Variants in PTPRQ observed in about 807,000 individuals in gnomAD.
The protein encoded by PTPRQ is phosphatidylinositol phosphatase PTPRQ.
In PTPRQ, 199 loss-of-function variants were observed where a neutral mutation model predicts 246.0. The observed-to-expected ratio is 0.81, with a 90% CI of 0.72 to 0.91. PTPRQ has a LOEUF of 0.91. Among genes scored for constraint, PTPRQ ranks in the 40% least tolerant of loss-of-function variants. The pLI, the probability that PTPRQ is intolerant of heterozygous loss-of-function variation, is 0.00. For synonymous variants in PTPRQ, 869 were observed against 853.2 expected (o/e 1.02, Z -0.32); for missense variants, 2,624 against 2,528.4 (o/e 1.04, Z -0.81).
intron 26 of PTPRQ, among the ~76,000 whole-genome samples, chr12:80,594,221 A>T (rs1050046975): frequency 6.6e-6 from 1 of 152,194 alleles, no homozygotes; most frequent in East Asian, 1.9e-4. Context: ...TTATGTGATA[A>T]GTGTTATAGT....
intron 3 of PTPRQ, among the ~76,000 whole-genome samples, chr12:80,447,968 G>C (rs1303096415): frequency 6.6e-6 from 1 of 151,880 alleles, no homozygotes; most frequent in Non-Finnish European, 1.5e-5. Flanking sequence ...GAATTGTGTT[G>C]AATCTGTAGA....
intron 40 of PTPRQ, 60 bp downstream of exon 40, chr12:80,669,201 A>G: frequency 6.5e-7 from 1 of 1,533,180 alleles, no homozygotes; most frequent in Admixed American, 2.1e-5. Flanking sequence ...CATATGTGTG[A>G]ATATTTCATC....
intron 25 of PTPRQ, among the ~76,000 whole-genome samples, chr12:80,572,202 G>T (rs956590561): frequency 3.3e-5 from 5 of 151,820 alleles, no homozygotes; most frequent in Non-Finnish European, 7.4e-5. Context: ...ATTTATTTCA[G>T]TAATGTTTTG....
chr12:80,617,444 G>A (rs1245667424), intron 30 of PTPRQ, among the ~76,000 whole-genome samples: 1 of 151,318 alleles, frequency 6.6e-6, no homozygotes, highest in Admixed American at 6.6e-5. Flanking sequence ...AATGCATAAG[G>A]TCTTTAAAAA....
At chr12:80,630,384 A>G (rs1351521846) in intron 33 of PTPRQ, among the ~76,000 whole-genome samples, 2 of 152,176 alleles carry the variant, frequency 1.3e-5, no homozygotes, top group Non-Finnish European at 2.9e-5. Flanking sequence ...AATTAGAAAT[A>G]AGATCTAAAG....
At chr12:80,666,413 G>A (rs772464727) in intron 39 of PTPRQ, among the ~76,000 whole-genome samples, 2 of 151,908 alleles carry the variant, frequency 1.3e-5, no homozygotes, top group Non-Finnish European at 2.9e-5. Flanking sequence ...GCTGGGAAGG[G>A]GAAGAGGTGA....
At chr12:80,667,388 A>G (rs1187156291) in intron 39 of PTPRQ, among the ~76,000 whole-genome samples, 1 of 152,006 alleles carries the variant, frequency 6.6e-6, no homozygotes, top group African/African-American at 2.4e-5. Context: ...GCATATTCTC[A>G]TGAAGTATTT....
rs1378758672 is a variant in PTPRQ, at chr12:80,613,321, A to G, written c.4919-271A>G. Among the ~76,000 whole-genome samples the G allele has an allele frequency of 4.0e-5, 6 of 150,660 alleles. No individual in the cohort carries two copies. In the Admixed American group the frequency reaches 4.0e-4, roughly 10 times the overall value. On this transcript the variant is annotated intron_variant, in intron 28 of 44. Transcript: ENST00000644991. ...TGACAAAGGGAGACCCTGTCTCGAA[A>G]ACAAACAAAAGATTAAAATGTCATA...
intron 25 of PTPRQ, among the ~76,000 whole-genome samples, chr12:80,550,247 G>A (rs192865981): frequency 4.1e-4 from 63 of 152,182 alleles, no homozygotes; most frequent in African/African-American, 1.4e-3. Flanking sequence ...ACCTTCCCTA[G>A]CAGTGCTCTG....
In PTPRQ at chr12:80,470,392, TC is replaced by T. The variant is rs1390720237; in HGVS notation, c.1039+1555del. Among the ~76,000 whole-genome samples the T allele has an allele frequency of 2.0e-5, 3 of 152,154 alleles. No individual in the cohort carries two copies. The East Asian group carries it at 5.8e-4, about 29-fold the overall frequency. ...ATATTTTCTAACTGGTTTACCTTTTTCAGTGTAGTGGGAAGCAAGACTATTA... is the reference window on the plus strand; with the variant it reads ...ATATTTTCTAACTGGTTTACCTTTTTAGTGTAGTGGGAAGCAAGACTATTA... On this transcript the variant is annotated intron_variant, in intron 7 of 44. Coordinates refer to ENST00000644991, the MANE Select transcript of PTPRQ (RefSeq NM_001145026.2).
chr12:80,506,438 C>A, intron 15 of PTPRQ, 131 bp from the exon 16 acceptor site: 1 of 854,846 alleles, frequency 1.2e-6, no homozygotes, highest in Non-Finnish European at 1.7e-6. Context: ...GCTACTATTG[C>A]CAAAGAATGA....
chr12:80,469,900 T>C (rs6539518), intron 7 of PTPRQ, among the ~76,000 whole-genome samples: 8,665 of 152,254 alleles, frequency 0.057, 816 homozygotes, highest in African/African-American at 0.2. Context: ...TTTAGCAACA[T>C]GGGAGTGATC....
intron 26 of PTPRQ, among the ~76,000 whole-genome samples, chr12:80,594,752 CT>C (rs1259756305): frequency 6.6e-6 from 1 of 151,660 alleles, no homozygotes; most frequent in Non-Finnish European, 1.5e-5. Flanking sequence ...TTGTATTTAC[CT>C]TCTAAATATC....
rs979728496 is a variant in PTPRQ at position 80,445,635 on chromosome 12, T to C, written c.308T>C (p.Val103Ala). 15 of 1,550,090 alleles carry C rather than the reference T, an allele frequency of 9.7e-6. No homozygotes were observed. The highest frequency in any genetic ancestry group is 1.7e-6 in the Non-Finnish European group (2 of 1,145,906). The change falls in exon 3 of 45, where the codon GTA (valine) becomes GCA (alanine). Residue 103 changes from valine to alanine, a missense_variant. Physicochemically the swap from Val to Ala is moderately conservative, Grantham distance 64. Coordinates refer to ENST00000644991, the MANE Select transcript of PTPRQ (RefSeq NM_001145026.2). The part of the protein sequence containing the change: ...YKEVCPWMQT[V>A]YTQVRSKPDS... The stretch of plus-strand genomic sequence containing the variant: ...GAAGTTTGTCCGTGGATGCAAACAG[T>C]ATATACACAAGTCAGATCAAAGCCA...
At position 80,549,582 on chromosome 12, in the gene PTPRQ, A is replaced by G. The variant is rs1429575439; in HGVS notation, c.4133A>G (p.Glu1378Gly). 4.5e-6 allele frequency: 7 copies of G among 1,551,260 alleles called. No individual in the cohort carries two copies. The highest frequency in any genetic ancestry group is 1.7e-4 in the Middle Eastern group (1 of 5,992). The change falls in exon 25 of 45, where the codon GAA becomes GGA. Residue 1378 changes from glutamate to glycine, a missense_variant. By Grantham distance (98) the Glu-to-Gly change is moderately conservative (BLOSUM62 -2). Transcript: ENST00000644991. ...ATAACGCAGTATATGGTAACAGTTG[A>G]AAGGAATTCTACAAAAGTTTCTCCC... Reference protein sequence around the residue: ...GIITQYMVTVERNSTKVSPQD... With the variant: ...GIITQYMVTVGRNSTKVSPQD...
intron 25 of PTPRQ, among the ~76,000 whole-genome samples, chr12:80,579,746 GTTAGCAAATTTTACT>G (rs1897377832): frequency 2.0e-5 from 3 of 151,984 alleles, no homozygotes; most frequent in Non-Finnish European, 2.9e-5. Flanking sequence ...CTATATTAAT[GTTAGCAAATTTTACT>G]TTGTGTATGT....
chr12:80,613,876 TG>T lies in PTPRQ; in HGVS notation c.5163+41del, dbSNP rs1185254924. The T allele has an allele frequency of 8.9e-6, 13 of 1,460,478 alleles. No homozygotes were observed. In the East Asian group the frequency reaches 3.4e-4, roughly 38 times the overall value. The allele number at this position is 1,460,478 out of a possible 1,614,324, so 90.5% of individuals were successfully genotyped here. A position where few individuals can be genotyped will look rare whatever the true frequency, so the allele number is the denominator to read the frequency against. ...CTTCAGTTAATTACCCAAATGACAA[TG>T]TCAGTTTATGAACTTGGCATTTAAA... is the stretch of plus-strand genomic sequence containing the variant. On this transcript the variant is annotated intron_variant, in intron 29 of 44. Transcript: ENST00000644991.
chr12:80,673,597 C>T (rs903490509), intron 43 of PTPRQ, among the ~76,000 whole-genome samples: 2 of 152,042 alleles, frequency 1.3e-5, no homozygotes, highest in Admixed American at 6.6e-5. Flanking sequence ...CGTTTAGCAA[C>T]TTTGGGATAT....
In PTPRQ at chr12:80,546,672, A is replaced by G. The variant is rs1246829602; in HGVS notation, c.3990A>G (p.Val1330=). 3.2e-6 allele frequency: 5 copies of G among 1,551,402 alleles called. No homozygotes were observed. The Admixed American group carries it at 5.9e-5, about 18-fold the overall frequency. The change falls in exon 24 of 45, where the codon GTA becomes GTG. Residue 1330 remains valine, a synonymous_variant. Transcript: ENST00000644991. ...KVGNGNQFSN[V]VKFTTQESVP... ...GAAATGGCAATCAATTTAGTAATGT[A>G]GTAAAATTCACAACCCAAGAATCAG...
Sources: allele counts gnomAD v4.1 joint callset (sites outside exome capture counted in the v4.1 genomes callset), GRCh38; gene constraint gnomAD v4.1.1; transcripts MANE v1.5; gene names NCBI Gene and HGNC (gene_info 2026-07-23, HGNC 2026-07-21).